The following HHLA1 variants were observed in gnomAD, a reference collection of about 807,000 sequenced individuals.
HHLA1 encodes HHLA1 neighbor of OC90, also known as HERV-H LTR-associating protein 1.
A neutral mutation model predicts 69.9 loss-of-function variants in HHLA1; 72 were observed. The ratio of observed to expected loss-of-function variants is 1.03; its 90% CI spans 0.85 to 1.25. The LOEUF is 1.25. Among genes scored for constraint, HHLA1 ranks in the 50% most tolerant of loss-of-function variants. The pLI, the probability that HHLA1 is intolerant of heterozygous loss-of-function variation, is 0.00. For missense variants in HHLA1, 685 were observed against 642.2 expected, an observed-to-expected ratio of 1.07 and a Z score of -0.72; for synonymous variants, 252 against 233.2, an observed-to-expected ratio of 1.08 and a Z score of -0.73.
At chr8:132,094,979 T>C (rs894595944) in intron 7 of HHLA1, among the ~76,000 whole-genome samples, 3 of 152,182 alleles carry the variant, frequency 2.0e-5, no homozygotes, top group African/African-American at 7.2e-5. Context: ...ATGAACATAC[T>C]CTCCTTGGGA....
chr8:132,065,425 G>A (rs1322013706), intron 16 of HHLA1, among the ~76,000 whole-genome samples: 2 of 152,192 alleles, frequency 1.3e-5, no homozygotes, highest in Non-Finnish European at 2.9e-5. Flanking sequence ...GGGACTACAG[G>A]CATCCACCAC....
chr8:132,071,546 T>C (rs1252502260), intron 14 of HHLA1, 53 bp from the exon 15 acceptor site: 1 of 1,509,316 alleles, frequency 6.6e-7, no homozygotes, highest in Non-Finnish European at 9.0e-7. Flanking sequence ...AGTAAGCATC[T>C]TCTCTTCGTT....
rs542584656 is a variant in HHLA1 at position 132,062,900 on chromosome 8, T to C, written c.*1095A>G. 14 of 152,362 alleles carry C rather than the reference T, an allele frequency of 9.2e-5. 1 individual carries two copies. In the East Asian group the frequency reaches 2.5e-3, roughly 27 times the overall value. 9.4% of individuals were successfully genotyped at this position (152,362 alleles called of 1,614,324 possible). A position where few individuals can be genotyped will look rare whatever the true frequency, so the allele number is the denominator to read the frequency against. On this transcript the variant is annotated 3_prime_UTR_variant, in exon 17 of 17. Coordinates refer to ENST00000414222, the MANE Select transcript of HHLA1 (RefSeq NM_001145095.3). The stretch of plus-strand genomic sequence containing the variant: ...ATGAGTGTCTCTTGTACCTGGGGCT[T>C]CGTGCCATGACAGATAGTTTATGTT...
chr8:132,090,377 T>C (rs191519846), intron 7 of HHLA1, among the ~76,000 whole-genome samples: 94 of 152,302 alleles, frequency 6.2e-4, no homozygotes, highest in Non-Finnish European at 1.1e-3. Context: ...AAGGCGAATG[T>C]GTTTGAGGAG....
intron 11 of HHLA1, among the ~76,000 whole-genome samples, chr8:132,079,462 G>T (rs139870578): frequency 6.6e-6 from 1 of 152,204 alleles, no homozygotes; most frequent in Non-Finnish European, 1.5e-5. Flanking sequence ...AAGTCTTCGT[G>T]AGTCTTAAAC....
At chr8:132,106,875 T>C (rs891143212) in intron 1 of HHLA1, among the ~76,000 whole-genome samples, 2 of 152,228 alleles carry the variant, frequency 1.3e-5, no homozygotes, top group Non-Finnish European at 2.9e-5. Flanking sequence ...CAATTCCTGC[T>C]GAGTGAGGAT....
rs1823393059 is a variant in HHLA1 at position 132,063,935 on chromosome 8, C to T, written c.*60G>A. ...AAATGTAGCCCACTTGGGACAAGAG[C>T]CAGGGTGGATGGCGTATCCCCTGAA... On this transcript the variant is annotated 3_prime_UTR_variant, in exon 17 of 17. Transcript: ENST00000414222. 3 of 943,980 alleles carry T rather than the reference C, an allele frequency of 3.2e-6. No homozygotes were observed. The highest frequency in any genetic ancestry group is 3.3e-5 in the South Asian group (2 of 60,074). The allele number at this position is 943,980 out of a possible 1,614,324, so 58.5% of individuals were successfully genotyped here. A position where few individuals can be genotyped will look rare whatever the true frequency, so the allele number is the denominator to read the frequency against.
intron 15 of HHLA1, 107 bp downstream of exon 15, chr8:132,071,232 GT>G (rs1322372968): frequency 1.1e-6 from 1 of 933,242 alleles, no homozygotes; most frequent in African/African-American, 1.7e-5. Flanking sequence ...CCTACTGCCT[GT>G]CTGTGGATTG....
At chr8:132,101,644 T>A (rs1563749608) in intron 3 of HHLA1, among the ~76,000 whole-genome samples, 1 of 151,598 alleles carries the variant, frequency 6.6e-6, no homozygotes, top group Non-Finnish European at 1.5e-5. Context: ...AGTGGCGTGA[T>A]CTCACTGCAA....
chr8:132,109,694 G>A (rs1824264396), intron 1 of HHLA1, among the ~76,000 whole-genome samples: 1 of 152,252 alleles, frequency 6.6e-6, no homozygotes, highest in African/African-American at 2.4e-5. Context: ...TTTCTAAGCA[G>A]GAGAACTGGG....
intron 1 of HHLA1, 80 bp from the exon 2 acceptor site, chr8:132,105,366 A>C: frequency 1.1e-6 from 1 of 886,720 alleles, no homozygotes; most frequent in Non-Finnish European, 1.8e-6. Flanking sequence ...GTGAGGAATC[A>C]TTAAAATCAC....
At position 132,064,044 on chromosome 8, in the gene HHLA1, A is replaced by T. The variant is rs1348175374; in HGVS notation, c.1553-6T>A. 7.7e-7 allele frequency: 1 copy of T among 1,303,310 alleles called. No homozygotes were observed. Among genetic ancestry groups the T allele is most frequent in the African/African-American group, 1.5e-5 (1 of 65,784 alleles). 80.7% of individuals were successfully genotyped at this position (1,303,310 alleles called of 1,614,324 possible). A position where few individuals can be genotyped will look rare whatever the true frequency, so the allele number is the denominator to read the frequency against. ...AAGGCACTTTTGCTTTAAGGCTGAA[A>T]AAAAAGCAGAAGAAGAAGGAACTCA... On this transcript the variant is annotated splice_polypyrimidine_tract_variant and splice_region_variant and intron_variant, in intron 16 of 16. Transcript: ENST00000414222.
At chr8:132,082,487 C>G (rs530111312) in intron 10 of HHLA1, among the ~76,000 whole-genome samples, 2 of 151,964 alleles carry the variant, frequency 1.3e-5, no homozygotes, top group Non-Finnish European at 2.9e-5. Context: ...AGAGATCAGT[C>G]GGACATGATT....
intron 10 of HHLA1, among the ~76,000 whole-genome samples, chr8:132,082,596 G>GA (rs1388124312): frequency 2.6e-5 from 4 of 152,142 alleles, no homozygotes; most frequent in Non-Finnish European, 4.4e-5. Context: ...GGCTGTCTGT[G>GA]AAGCTTTGCA....
chr8:132,079,781 G>A lies in HHLA1; in HGVS notation c.862C>T (p.Pro288Ser). ...TEETLNTGRP[P>S]ELPARATATW... is the part of the protein sequence containing the mutation. ...GCTGTGGCCCTGGCTGGAAGCTCAGGAGGCCTGCCTGTGTTCAGGGTCTCC... is the reference window on the plus strand; with the variant it reads ...GCTGTGGCCCTGGCTGGAAGCTCAGAAGGCCTGCCTGTGTTCAGGGTCTCC... Residue 288 changes from proline to serine, a missense_variant, in exon 11 of 17, where the codon CCT becomes TCT. Physicochemically the swap from Pro to Ser is moderately conservative, Grantham distance 74 (BLOSUM62 -1). Transcript: ENST00000414222. 6.4e-7 allele frequency: 1 copy of A among 1,551,704 alleles called. No individual in the cohort carries two copies. The highest frequency in any genetic ancestry group is 8.7e-7 in the Non-Finnish European group (1 of 1,146,990).
chr8:132,098,824 A>G, intron 5 of HHLA1, 58 bp downstream of exon 5: 1 of 1,101,410 alleles, frequency 9.1e-7, no homozygotes, highest in Non-Finnish European at 1.3e-6. Flanking sequence ...AGGTTCAGAA[A>G]AGACACTGGT....
At chr8:132,104,086 G>A in intron 3 of HHLA1, 22 bp downstream of exon 3, 1 of 1,536,018 alleles carries the variant, frequency 6.5e-7, no homozygotes, top group Non-Finnish European at 8.8e-7. Flanking sequence ...GAGCTGAAAA[G>A]GAGCCCTTAT....
intron 16 of HHLA1, among the ~76,000 whole-genome samples, chr8:132,065,011 T>G (rs1488634555): frequency 6.6e-6 from 1 of 152,162 alleles, no homozygotes; most frequent in African/African-American, 2.4e-5. Context: ...TCTATACAGT[T>G]TAATGTAATT....
intron 3 of HHLA1, among the ~76,000 whole-genome samples, chr8:132,100,554 C>T (rs1006040486): frequency 2.6e-5 from 4 of 152,120 alleles, no homozygotes; most frequent in African/African-American, 7.2e-5. Flanking sequence ...AAATTTCATG[C>T]GACCAAAGGA....
Sources: gnomAD v4.1 joint callset for allele counts (sites outside exome capture counted in the v4.1 genomes callset) on GRCh38, gnomAD v4.1.1 for gene constraint, MANE v1.5 for transcripts, NCBI Gene and HGNC (gene_info 2026-07-23, HGNC 2026-07-21) for gene names.